The following ANK2 variants were observed in gnomAD, a reference collection of about 807,000 sequenced individuals.
The protein encoded by ANK2 is ankyrin 2, also known as ankyrin-2.
Under a neutral mutation model 360.5 loss-of-function variants are expected in ANK2, and 83 were observed. The ratio of observed to expected loss-of-function variants is 0.23; its 90% CI spans 0.19 to 0.28. ANK2 has a LOEUF of 0.28. Among genes scored for constraint, ANK2 ranks in the 10% least tolerant of loss-of-function variants. The pLI is 1.00. For synonymous variants in ANK2, 1,740 were observed against 1,759.5 expected, an observed-to-expected ratio of 0.99 and a Z score of 0.28; for missense variants, 4,201 against 4,795.7, an observed-to-expected ratio of 0.88 and a Z score of 3.66.
intron 1 of ANK2, among the ~76,000 whole-genome samples, chr4:112,842,021 T>TC (rs2062195725): frequency 6.6e-6 from 1 of 152,142 alleles, no homozygotes; most frequent in South Asian, 2.1e-4. Flanking sequence ...TTTTCTTTTT[T>TC]TTTTGAGATG....
chr4:112,843,027 A>G (rs2062482037), intron 1 of ANK2, among the ~76,000 whole-genome samples: 2 of 152,166 alleles, frequency 1.3e-5, no homozygotes, highest in South Asian at 4.1e-4. Context: ...CTGTTGTCAC[A>G]TCACCTTCTT....
the ANK2 span, among the ~76,000 whole-genome samples, chr4:112,719,740 AAAG>A: frequency 7.2e-5 from 11 of 152,042 alleles, no homozygotes; most frequent in East Asian, 1.9e-4. Context: ...AAAAAAAAAA[AAAG>A]AAGGTATAAT....
intron 1 of ANK2, among the ~76,000 whole-genome samples, chr4:113,062,124 C>A (rs1366872974): frequency 1.4e-4 from 22 of 152,018 alleles, no homozygotes; most frequent in Admixed American, 1.4e-3. Context: ...GGTTTGGATT[C>A]TTGTCTAAAG....
chr4:112,850,347 A>ATTCATCTC (rs1464679916), intron 1 of ANK2, among the ~76,000 whole-genome samples: 15 of 148,870 alleles, frequency 1.0e-4, no homozygotes, highest in African/African-American at 3.2e-4. Context: ...CCATCCATCC[A>ATTCATCTC]TCCATCCATC....
At position 113,026,133 on chromosome 4, in the gene ANK2, G is replaced by A. The variant is rs560221628; in HGVS notation, c.21+121619G>A. Among the ~76,000 whole-genome samples the A allele has an allele frequency of 3.0e-4, 46 of 152,172 alleles. 1 individual carries two copies. The highest frequency in any genetic ancestry group is 8.7e-4 in the African/African-American group (36 of 41,508). On this transcript the variant is annotated intron_variant, in intron 2 of 30. Coordinates refer to the ANK2 transcript ENST00000503271. ...CACAAATGCCGTAATACGTGGCCAC[G>A]GACACTTGGGACCTGCTATGTGGAA...
chr4:112,848,131 A>G (rs1397994476), intron 1 of ANK2, among the ~76,000 whole-genome samples: 2 of 152,122 alleles, frequency 1.3e-5, no homozygotes, highest in Non-Finnish European at 2.9e-5. Context: ...TATTTTAATT[A>G]ATGTATTTAT....
chr4:113,321,209 C>T (rs997729552), intron 26 of ANK2, among the ~76,000 whole-genome samples: 1 of 152,170 alleles, frequency 6.6e-6, no homozygotes, highest in Non-Finnish European at 1.5e-5. Flanking sequence ...GCTTTAATAG[C>T]TAATTACTTT....
chr4:113,363,460 C>T lies in ANK2; in HGVS notation c.10879C>T (p.His3627Tyr), dbSNP rs1028955808. The T allele has an allele frequency of 6.2e-7, 1 of 1,613,410 alleles. No homozygotes were observed. The highest frequency in any genetic ancestry group is 8.5e-7 in the Non-Finnish European group (1 of 1,179,534). The change falls in exon 40 of 46, where the codon CAT (histidine) becomes TAT (tyrosine). Residue 3627 changes from histidine to tyrosine, a missense_variant. By Grantham distance (83) the His-to-Tyr change is moderately conservative. Transcript: ENST00000357077. ...LKYWLERDGK[H>Y]ATDTNLVECL... The stretch of plus-strand genomic sequence containing the variant: ...GTACTGGCTAGAGAGGGATGGGAAA[C>T]ATGCTACAGGTAAGTGGGGAACTAT...
chr4:112,817,218 C>A (rs907632499), upstream of ANK2, among the ~76,000 whole-genome samples: 5 of 152,012 alleles, frequency 3.3e-5, no homozygotes, highest in Non-Finnish European at 5.9e-5. Flanking sequence ...TTTTTACCAG[C>A]CTTTAGATTC....
intron 2 of ANK2, among the ~76,000 whole-genome samples, chr4:112,953,012 T>C (rs564478737): frequency 6.6e-6 from 1 of 152,302 alleles, no homozygotes; most frequent in East Asian, 1.9e-4. Flanking sequence ...CCAAGCACTA[T>C]TCTAAATACA....
the ANK2 span, among the ~76,000 whole-genome samples, chr4:112,799,037 T>G: frequency 6.6e-6 from 1 of 152,238 alleles, no homozygotes. Context: ...GTTTGACTAC[T>G]TTAGGTACCT....
In ANK2 at chr4:113,355,777, G is replaced by T. The variant is rs781642042; in HGVS notation, c.7159G>T (p.Ala2387Ser). 1.2e-6 allele frequency: 2 copies of T among 1,614,076 alleles called. No individual in the cohort carries two copies. The highest frequency in any genetic ancestry group is 8.5e-7 in the Non-Finnish European group (1 of 1,179,972). The change falls in exon 38 of 46, where the codon GCT becomes TCT. Residue 2387 changes from alanine (A) to serine (S), a missense_variant. Ala to Ser is a moderately conservative substitution (Grantham distance 99). Transcript: ENST00000357077. The part of the protein sequence containing the change: ...DETKALPLPE[A>S]SVKTDTGTES... ...GACAAAGGCCTTGCCGCTGCCTGAG[G>T]CTTCTGTAAAGACAGATACAGGAAC... is the stretch of plus-strand genomic sequence containing the variant.
intron 29 of ANK2, among the ~76,000 whole-genome samples, chr4:113,333,713 T>G (rs573046272): frequency 1.3e-5 from 2 of 152,324 alleles, no homozygotes; most frequent in East Asian, 3.9e-4. Flanking sequence ...TTTTAAACTA[T>G]TATTAAGGGG....
At chr4:112,819,306 T>C (rs1355473746) in intron 1 of ANK2, among the ~76,000 whole-genome samples, 1 of 152,198 alleles carries the variant, frequency 6.6e-6, no homozygotes, top group East Asian at 1.9e-4. Context: ...GGTGTCCCCT[T>C]GAGGGATAAT....
At chr4:113,051,867 AT>A (rs2067194320) in intron 1 of ANK2, among the ~76,000 whole-genome samples, 1 of 152,172 alleles carries the variant, frequency 6.6e-6, no homozygotes, top group African/African-American at 2.4e-5. Flanking sequence ...TTTGAACAGT[AT>A]TTAAAACATA....
At chr4:113,203,814 A>G (rs917398014) in intron 4 of ANK2, among the ~76,000 whole-genome samples, 7 of 152,242 alleles carry the variant, frequency 4.6e-5, no homozygotes, top group Admixed American at 3.9e-4. Context: ...ATTGCTTCTC[A>G]TAGTTCCCGT....
At chr4:112,863,653 G>T (rs942554346) in intron 1 of ANK2, among the ~76,000 whole-genome samples, 1 of 150,832 alleles carries the variant, frequency 6.6e-6, no homozygotes, top group African/African-American at 2.4e-5. Context: ...CTCCCTAGTA[G>T]CCGGGACTGC....
At chr4:112,809,517 C>T in the ANK2 span, among the ~76,000 whole-genome samples, 1 of 142,328 alleles carries the variant, frequency 7.0e-6, no homozygotes, top group South Asian at 2.3e-4. Context: ...GCCGAGATCT[C>T]GCCACTGCAC....
At chr4:113,237,207 T>C (rs1169176980) in intron 6 of ANK2, 35 bp downstream of exon 6, 7 of 1,596,852 alleles carry the variant, frequency 4.4e-6, no homozygotes, top group Admixed American at 3.3e-5. Flanking sequence ...GGAAAGGAAC[T>C]CTTTGGCTGC....
Sources: allele counts gnomAD v4.1 joint callset (sites outside exome capture counted in the v4.1 genomes callset), GRCh38; gene constraint gnomAD v4.1.1; transcripts MANE v1.5; gene names NCBI Gene and HGNC (gene_info 2026-07-23, HGNC 2026-07-21).